DNAH17: variants seen among roughly 807,000 people sequenced by gnomAD.
DNAH17 encodes dynein axonemal heavy chain 17, also known as axonemal beta dynein heavy chain 17.
In DNAH17, 376 loss-of-function variants were observed where a neutral mutation model predicts 485.6. That is an observed-to-expected ratio of 0.77 (90% CI 0.71 to 0.84). The LOEUF (loss-of-function observed/expected upper bound fraction) is 0.84, where lower values mean the gene tolerates loss of function less well. Ranked by LOEUF, DNAH17 falls within the 40% of genes least tolerant of loss-of-function variation. The pLI, the probability that DNAH17 is intolerant of heterozygous loss-of-function variation, is 0.00. For missense variants in DNAH17, 6,370 were observed against 5,839.3 expected, an observed-to-expected ratio of 1.09 and a Z score of -2.96; for synonymous variants, 3,031 against 2,405.9, an observed-to-expected ratio of 1.26 and a Z score of -7.60.
Position 78,425,374 on chromosome 17 carries a change from G to T in DNAH17, c.13113C>A (p.Gly4371=), listed in dbSNP as rs773402516. ...CCATGAAGAGTCCGTACACGTAGGA[G>T]CCCTCTCGCGGAGGAGCGGTCATGT... ...REDMTAPPRE[G]SYVYGLFMEG... is the part of the protein sequence containing the mutation. Residue 4371 remains glycine, a synonymous_variant, in exon 80 of 81, where the codon GGC becomes GGA. Coordinates refer to ENST00000389840, the MANE Select transcript of DNAH17 (RefSeq NM_173628.4). 2.5e-6 allele frequency: 4 copies of T among 1,613,998 alleles called. No individual in the cohort carries two copies. Among genetic ancestry groups the T allele is most frequent in the Non-Finnish European group, 3.4e-6 (4 of 1,179,884 alleles).
rs374748569 is a variant in DNAH17, at chr17:78,532,471, T to G, written c.3114+11A>C. ...GAGACAAGGAGGCTGGTGGGTGAGG[T>G]CTGCACGCACCTGCTCCTGGAACTG... On this transcript the variant is annotated intron_variant, in intron 20 of 80. Coordinates refer to ENST00000389840, the MANE Select transcript of DNAH17 (RefSeq NM_173628.4). 72 of 1,604,042 alleles carry G rather than the reference T, an allele frequency of 4.5e-5. No homozygotes were observed. The highest frequency in any genetic ancestry group is 5.9e-5 in the Non-Finnish European group (69 of 1,175,526).
At chr17:78,570,500 A>T in intron 6 of DNAH17, 128 bp from the exon 7 acceptor site, 8 of 1,225,938 alleles carry the variant, frequency 6.5e-6, no homozygotes, top group Non-Finnish European at 8.8e-6. Context: ...AGGAGGGGAG[A>T]GGCAACTCCC....
rs754130905 is a variant in DNAH17 at position 78,510,371 on chromosome 17, C to G, written c.4236+13G>C. On this transcript the variant is annotated intron_variant, in intron 27 of 80. Transcript: ENST00000389840. ...TCCCACGTTGCACAGACAGCACCGC[C>G]AGCACGGCCTACCTTTTCCATGCCC... 1 of 1,611,388 alleles carries G rather than the reference C, an allele frequency of 6.2e-7. No individual in the cohort carries two copies. Among genetic ancestry groups the G allele is most frequent in the South Asian group, 1.1e-5 (1 of 90,978 alleles).
chr17:78,484,538 C>T (rs1184914741), intron 48 of DNAH17, among the ~76,000 whole-genome samples: 1 of 150,148 alleles, frequency 6.7e-6, no homozygotes, highest in Non-Finnish European at 1.5e-5. Flanking sequence ...CCTCTCCCGG[C>T]GGGACAGACA....
intron 11 of DNAH17, among the ~76,000 whole-genome samples, chr17:78,562,649 A>G (rs2092181925): frequency 6.6e-6 from 1 of 152,196 alleles, no homozygotes; most frequent in Non-Finnish European, 1.5e-5. Flanking sequence ...AAACAACTCC[A>G]AGTAAACAAT....
intron 69 of DNAH17, among the ~76,000 whole-genome samples, chr17:78,448,364 A>G (rs982891003): frequency 6.6e-6 from 1 of 152,048 alleles, no homozygotes; most frequent in African/African-American, 2.4e-5. Flanking sequence ...ATAAAAAATT[A>G]AAAAACTGAA....
intron 30 of DNAH17, among the ~76,000 whole-genome samples, chr17:78,506,322 A>G (rs2090484526): frequency 6.6e-6 from 1 of 151,752 alleles, no homozygotes; most frequent in Admixed American, 6.6e-5. Context: ...TCTCTTTTAG[A>G]ATAGCCCCAA....
chr17:78,438,742 G>A (rs1001324545), intron 73 of DNAH17, among the ~76,000 whole-genome samples: 3 of 151,834 alleles, frequency 2.0e-5, no homozygotes, highest in Non-Finnish European at 2.9e-5. Context: ...CAGGTGATCC[G>A]CCTGCCTTGG....
intron 26 of DNAH17, chr17:78,510,774 G>A (rs986793596): frequency 4.0e-5 from 16 of 395,306 alleles, no homozygotes; most frequent in African/African-American, 1.9e-4. Flanking sequence ...ATTCACATCC[G>A]CCCAGAACCT....
At chr17:78,472,818 G>C (rs2146583743) in intron 54 of DNAH17, 2 of 443,488 alleles carry the variant, frequency 4.5e-6, no homozygotes, top group South Asian at 3.2e-5. Flanking sequence ...CACAGAGCTT[G>C]TGCCCCAGCT....
intron 17 of DNAH17, among the ~76,000 whole-genome samples, chr17:78,543,460 T>C (rs1337164319): frequency 6.6e-6 from 1 of 151,800 alleles, no homozygotes; most frequent in African/African-American, 2.4e-5. Flanking sequence ...CCGGCTAATT[T>C]TTTGTATTTT....
At chr17:78,546,928 T>G (rs1472366183) in intron 16 of DNAH17, among the ~76,000 whole-genome samples, 1 of 151,832 alleles carries the variant, frequency 6.6e-6, no homozygotes, top group East Asian at 1.9e-4. Flanking sequence ...AAAAATTGCT[T>G]TTGATTCTCA....
In DNAH17 at chr17:78,526,678, G is replaced by A; in HGVS notation, c.3684C>T (p.Asp1228=). ...FRREAPFSFS[D]PNPYKSLNKQ... is the part of the protein sequence containing the mutation. ...TATTCAGGGACTTGTAGGGGTTGGG[G>A]TCGCTGAAGGAGAACGGGGCCTCGC... Residue 1228 remains aspartate (D), a synonymous_variant, in exon 24 of 81, where the codon GAC becomes GAT. Coordinates refer to ENST00000389840, the MANE Select transcript of DNAH17 (RefSeq NM_173628.4). 1 of 1,610,754 alleles carries A rather than the reference G, an allele frequency of 6.2e-7. No homozygotes were observed. The highest frequency in any genetic ancestry group is 1.1e-5 in the South Asian group (1 of 90,852).
At chr17:78,513,592 C>T (rs990574528) in intron 26 of DNAH17, among the ~76,000 whole-genome samples, 6 of 152,168 alleles carry the variant, frequency 3.9e-5, no homozygotes, top group Admixed American at 6.5e-5. Flanking sequence ...TGCGCTACCA[C>T]GCTCGGCTGA....
At chr17:78,534,292 G>A (rs1226175006) in intron 19 of DNAH17, among the ~76,000 whole-genome samples, 1 of 152,254 alleles carries the variant, frequency 6.6e-6, no homozygotes, top group Non-Finnish European at 1.5e-5. Context: ...TGTCTGTGCA[G>A]GGGACCTCGT....
In DNAH17 at chr17:78,433,896, G is replaced by A. The variant is rs911505583; in HGVS notation, c.12225+133C>T. The A allele has an allele frequency of 3.7e-6, 3 of 809,478 alleles. No homozygotes were observed. The African/African-American group carries it at 5.4e-5, about 14-fold the overall frequency. The allele number at this position is 809,478 out of a possible 1,614,324, so 50.1% of individuals were successfully genotyped here. ...CCTACTTGATGTCTTTTAAGCCTAA[G>A]ACAAAGACCAAAAGGAAAGGGAGGG... is the stretch of plus-strand genomic sequence containing the variant. On this transcript the variant is annotated intron_variant, in intron 75 of 80. Transcript: ENST00000389840.
In DNAH17 at chr17:78,543,958, T is replaced by C; in HGVS notation, c.2431A>G (p.Lys811Glu). The change falls in exon 17 of 81, where the codon AAG (lysine) becomes GAG (glutamate). Residue 811 changes from lysine to glutamate, a missense_variant. By Grantham distance (56) the Lys-to-Glu change is moderately conservative. Coordinates refer to ENST00000389840, the MANE Select transcript of DNAH17 (RefSeq NM_173628.4). ...TCCAAGTCTAACAGGGCCTCTTTCT[T>C]ATTGTCCTTTCTTTCAAACAGCGGG... ...ANPLFERKDN[K>E]KEALLDLDGR... 2 of 1,614,024 alleles carry C rather than the reference T, an allele frequency of 1.2e-6. No homozygotes were observed. Among genetic ancestry groups the C allele is most frequent in the Middle Eastern group, 1.6e-4 (1 of 6,062 alleles).
intron 16 of DNAH17, among the ~76,000 whole-genome samples, chr17:78,545,454 G>C (rs1363887474): frequency 6.6e-6 from 1 of 152,118 alleles, no homozygotes; most frequent in African/African-American, 2.4e-5. Flanking sequence ...TCCAGGTGAG[G>C]GCTCTCTTCC....
At chr17:78,575,273 C>T (rs951215259) in intron 1 of DNAH17, among the ~76,000 whole-genome samples, 191 bp from the exon 2 acceptor site, 1 of 152,178 alleles carries the variant, frequency 6.6e-6, no homozygotes, top group Non-Finnish European at 1.5e-5. Flanking sequence ...CTGCCCCGGC[C>T]CCGCCATGGG....
Sources: allele counts gnomAD v4.1 joint callset (sites outside exome capture counted in the v4.1 genomes callset), GRCh38; gene constraint gnomAD v4.1.1; transcripts MANE v1.5; gene names NCBI Gene and HGNC (gene_info 2026-07-23, HGNC 2026-07-21).